Variants in FMNL3 observed in about 807,000 individuals in gnomAD.
FMNL3 encodes the protein formin-like protein 3.
Under a neutral mutation model 119.6 loss-of-function variants are expected in FMNL3, and 57 were observed. The ratio of observed to expected loss-of-function variants is 0.48; its 90% CI spans 0.39 to 0.59. The LOEUF (loss-of-function observed/expected upper bound fraction) is 0.59, where lower values mean the gene tolerates loss of function less well. Ranked by LOEUF, FMNL3 falls within the 20% of genes least tolerant of loss-of-function variation. The pLI, the probability that FMNL3 is intolerant of heterozygous loss-of-function variation, is 0.00. For synonymous variants in FMNL3, 491 were observed against 507.3 expected (o/e 0.97, Z 0.43); for missense variants, 1,053 against 1,323.5 (o/e 0.80, Z 3.17).
At chr12:49,703,623 G>T (rs1170995017) in intron 1 of FMNL3, among the ~76,000 whole-genome samples, 1 of 152,148 alleles carries the variant, frequency 6.6e-6, no homozygotes, top group African/African-American at 2.4e-5. Flanking sequence ...GGAATAAGGG[G>T]ATCAGTATTC....
intron 1 of FMNL3, among the ~76,000 whole-genome samples, 159 bp downstream of exon 1, chr12:49,706,896 C>A (rs749636726): frequency 7.0e-6 from 1 of 142,776 alleles, no homozygotes; most frequent in Non-Finnish European, 1.5e-5. Context: ...GGCCGGCCAG[C>A]GGCTGCTCAG....
chr12:49,676,148 A>T (rs1414938996), intron 1 of FMNL3, among the ~76,000 whole-genome samples: 1 of 152,220 alleles, frequency 6.6e-6, no homozygotes, highest in Non-Finnish European at 1.5e-5. Flanking sequence ...CCTGCCTGTT[A>T]TCCCCCAACC....
Position 49,643,913 on chromosome 12 carries a change from A to G in FMNL3, c.*1902T>C. On this transcript the variant is annotated 3_prime_UTR_variant, in exon 26 of 26. Coordinates refer to ENST00000335154, the MANE Select transcript of FMNL3 (RefSeq NM_175736.5). The stretch of plus-strand genomic sequence containing the variant: ...GAGGAGAAAGCTGGCAAGGAGAGCG[A>G]TGAGAAAGAACAAGAACAGGACAAG... 6.2e-7 allele frequency: 1 copy of G among 1,614,208 alleles called. No homozygotes were observed. The highest frequency in any genetic ancestry group is 1.1e-5 in the South Asian group (1 of 91,088).
chr12:49,654,359 G>C, intron 10 of FMNL3, 57 bp from the exon 11 acceptor site: 1 of 1,432,050 alleles, frequency 7.0e-7, no homozygotes, highest in Non-Finnish European at 9.8e-7. Flanking sequence ...AAAGGCAAGA[G>C]ACCAGGAGGA....
intron 6 of FMNL3, 41 bp from the exon 7 acceptor site, chr12:49,657,231 G>C: frequency 6.8e-7 from 1 of 1,463,750 alleles, no homozygotes; most frequent in Non-Finnish European, 9.6e-7. Context: ...AGCTGAGGCT[G>C]CCAGTGAAGC....
chr12:49,647,857 T>A lies in FMNL3; in HGVS notation c.2677-53A>T, dbSNP rs1943258080. Reference sequence around the variant, plus strand: ...ACCCTGGCAGGAAGATCAGCCCAGCTCCCACACCACGGATGAGAGGCCTGC... The same window carrying A: ...ACCCTGGCAGGAAGATCAGCCCAGCACCCACACCACGGATGAGAGGCCTGC... On this transcript the variant is annotated intron_variant, in intron 22 of 25. Coordinates refer to ENST00000335154, the MANE Select transcript of FMNL3 (RefSeq NM_175736.5). This position sits in a 1 kb window ranked among gnomAD's most constrained non-coding sequence, Gnocchi z 4.9. 7.1e-7 allele frequency: 1 copy of A among 1,400,530 alleles called. No homozygotes were observed. The highest frequency in any genetic ancestry group is 1.2e-5 in the South Asian group (1 of 86,262). The allele number at this position is 1,400,530 out of a possible 1,614,324, so 86.8% of individuals were successfully genotyped here.
intron 14 of FMNL3, among the ~76,000 whole-genome samples, 160 bp downstream of exon 14, chr12:49,651,773 C>T (rs1375298182): frequency 6.6e-6 from 1 of 152,228 alleles, no homozygotes; most frequent in Non-Finnish European, 1.5e-5. Flanking sequence ...ACTTGAGCTT[C>T]CCTCAGATTC....
Position 49,637,657 on chromosome 12 carries a change from G to A in FMNL3, c.*8158C>T. Reference sequence around the variant, plus strand: ...CAGCCTCTCTGCACCCCCTACTACCGGCTCCTGTCCTCGGCCCAGCCCCCA... The same window carrying A: ...CAGCCTCTCTGCACCCCCTACTACCAGCTCCTGTCCTCGGCCCAGCCCCCA... On this transcript the variant is annotated 3_prime_UTR_variant, in exon 26 of 26. Transcript: ENST00000335154. 4 of 1,559,182 alleles carry A rather than the reference G, an allele frequency of 2.6e-6. No individual in the cohort carries two copies. The highest frequency in any genetic ancestry group is 1.4e-5 in the African/African-American group (1 of 73,640).
Position 49,651,943 on chromosome 12 carries a change from G to T in FMNL3, c.1593C>A (p.Pro531=), listed in dbSNP as rs762962140. Residue 531 remains proline, a synonymous_variant, in exon 14 of 26, where the codon CCC becomes CCA. Transcript: ENST00000335154. ...GGTCGTCGTGGTTACCTGGTAATGG[G>T]GGAGGTGGAGGGGGCAAGGGCGGAG... ...PPAPPLPPPP[P]PLPDKCPPAP... is the part of the protein sequence containing the mutation. 1.3e-6 allele frequency: 2 copies of T among 1,592,074 alleles called. No homozygotes were observed. The highest frequency in any genetic ancestry group is 1.7e-5 in the Admixed American group (1 of 58,266).
At chr12:49,678,505 C>T (rs1211249517) in intron 1 of FMNL3, among the ~76,000 whole-genome samples, 1 of 151,772 alleles carries the variant, frequency 6.6e-6, no homozygotes, top group Non-Finnish European at 1.5e-5. Context: ...CTTTGTCATC[C>T]AGGCTGAAGT....
At chr12:49,657,560 A>G (rs1044205677) in intron 6 of FMNL3, among the ~76,000 whole-genome samples, 3 of 152,142 alleles carry the variant, frequency 2.0e-5, no homozygotes, top group Admixed American at 6.5e-5. Flanking sequence ...CTTCTGCACA[A>G]TCTGTGGGAC....
At chr12:49,698,364 T>C (rs1490262507) in intron 1 of FMNL3, among the ~76,000 whole-genome samples, 1 of 152,062 alleles carries the variant, frequency 6.6e-6, no homozygotes, top group African/African-American at 2.4e-5. Flanking sequence ...CCTAAACTTG[T>C]CCTCTACTGG....
At position 49,658,426 on chromosome 12, in the gene FMNL3, G is replaced by A. The variant is rs1216314740; in HGVS notation, c.605+16C>T. On this transcript the variant is annotated intron_variant, in intron 6 of 25. Transcript: ENST00000335154. The stretch of plus-strand genomic sequence containing the variant: ...GTAGGGTGGGAGGCAGGTGGGCAGA[G>A]CAAAAGCACACATACCGGAGCACAG... 19 of 1,579,228 alleles carry A rather than the reference G, an allele frequency of 1.2e-5. No homozygotes were observed. The highest frequency in any genetic ancestry group is 1.6e-5 in the Non-Finnish European group (18 of 1,159,192).
Position 49,638,092 on chromosome 12 carries a change from T to C in FMNL3, c.*7723A>G. 2.3e-6 allele frequency: 1 copy of C among 428,438 alleles called. No individual in the cohort carries two copies. Among genetic ancestry groups the C allele is most frequent in the Non-Finnish European group, 4.2e-6 (1 of 236,956 alleles). 26.5% of individuals were successfully genotyped at this position (428,438 alleles called of 1,614,324 possible). A position where few individuals can be genotyped will look rare whatever the true frequency, so the allele number is the denominator to read the frequency against. Reference sequence around the variant, plus strand: ...GAGACAGGAATCTGAAGAACTAACATTTGAACTGTGCATTTAGAAATTTGT... The same window carrying C: ...GAGACAGGAATCTGAAGAACTAACACTTGAACTGTGCATTTAGAAATTTGT... On this transcript the variant is annotated 3_prime_UTR_variant, in exon 26 of 26. Transcript: ENST00000335154.
At chr12:49,652,700 T>C (rs940938778) in intron 13 of FMNL3, among the ~76,000 whole-genome samples, 2 of 152,198 alleles carry the variant, frequency 1.3e-5, no homozygotes, top group Admixed American at 6.5e-5. Context: ...CAGATACATA[T>C]TGAGCTCAAC....
intron 1 of FMNL3, among the ~76,000 whole-genome samples, chr12:49,676,225 AAT>A (rs946702054): frequency 3.3e-5 from 5 of 152,172 alleles, no homozygotes; most frequent in African/African-American, 7.2e-5. Flanking sequence ...GCCTAGAATT[AAT>A]ATGTTTGTCA....
At chr12:49,660,173 T>A (rs952256403) in intron 5 of FMNL3, among the ~76,000 whole-genome samples, 6 of 152,176 alleles carry the variant, frequency 3.9e-5, no homozygotes, top group Admixed American at 3.9e-4. Context: ...TCACTCCAAC[T>A]CTATTTAGCC....
At chr12:49,661,456 G>A (rs1023113959) in intron 5 of FMNL3, among the ~76,000 whole-genome samples, 2 of 151,786 alleles carry the variant, frequency 1.3e-5, no homozygotes, top group Admixed American at 1.3e-4. Context: ...CTGCCTCCAA[G>A]CCCCCCTGCC....
chr12:49,641,846 T>G lies in FMNL3; in HGVS notation c.*3969A>C. ...TTGACCATCTGTAATGTGACCACTC[T>G]GCCTGCCAGCTTTGGCCTCAGGCAC... On this transcript the variant is annotated 3_prime_UTR_variant, in exon 26 of 26. Transcript: ENST00000335154. 1.4e-6 allele frequency: 2 copies of G among 1,408,696 alleles called. No homozygotes were observed. Among genetic ancestry groups the G allele is most frequent in the East Asian group, 4.6e-5 (2 of 43,884 alleles). The allele number at this position is 1,408,696 out of a possible 1,614,324, so 87.3% of individuals were successfully genotyped here. A position where few individuals can be genotyped will look rare whatever the true frequency, so the allele number is the denominator to read the frequency against.
Sources: gnomAD v4.1 joint callset for allele counts (sites outside exome capture counted in the v4.1 genomes callset) on GRCh38, gnomAD v4.1.1 for gene constraint, Gnocchi (gnomAD v3.1) non-coding constraint, MANE v1.5 for transcripts, NCBI Gene and HGNC (gene_info 2026-07-23, HGNC 2026-07-21) for gene names.